PPP1R11: variants seen among roughly 807,000 people sequenced by gnomAD.
PPP1R11 encodes the protein E3 ubiquitin-protein ligase PPP1R11.
Under a neutral mutation model 11.3 loss-of-function variants are expected in PPP1R11, and 10 were observed. The ratio of observed to expected loss-of-function variants is 0.88; its 90% CI spans 0.55 to 1.50. The LOEUF is 1.50. Ranked by LOEUF, PPP1R11 falls within the 40% of genes most tolerant of loss-of-function variation. PPP1R11 has a pLI of 0.00. For missense variants in PPP1R11, 114 were observed against 179.1 expected (o/e 0.64, Z 2.07); for synonymous variants, 56 against 62.3 (o/e 0.90, Z 0.48).
chr6:30,061,366 C>T, the PPP1R11 span: 2 of 739,192 alleles, frequency 2.7e-6, no homozygotes, highest in South Asian at 2.1e-5. The surrounding 1 kb of genome is among the most constrained non-coding windows in gnomAD (Gnocchi z 5.0). Context: ...GAATTCCGGG[C>T]GTTTCGGCTC....
chr6:30,066,450 C>G (rs1239448534), upstream of PPP1R11, among the ~76,000 whole-genome samples: 2 of 152,224 alleles, frequency 1.3e-5, no homozygotes, highest in Non-Finnish European at 2.9e-5. Flanking sequence ...ACGACCATTT[C>G]TCTGCTTCAT....
Position 30,067,250 on chromosome 6 carries a change from G to T in PPP1R11, c.-161G>T, listed in dbSNP as rs1765606880. ...GTGGGGTTAGCCAGGTTATCCCCAG[G>T]GGTGGAGAAGCGGAGGCCCAGGAGG... On this transcript the variant is annotated 5_prime_UTR_variant, in exon 1 of 3. Coordinates refer to ENST00000376772, the MANE Select transcript of PPP1R11 (RefSeq NM_021959.3). The T allele has an allele frequency of 1.4e-6, 1 of 705,330 alleles. No individual in the cohort carries two copies. Among genetic ancestry groups the T allele is most frequent in the African/African-American group, 1.8e-5 (1 of 55,864 alleles). 43.7% of individuals were successfully genotyped at this position (705,330 alleles called of 1,614,324 possible). A position where few individuals can be genotyped will look rare whatever the true frequency, so the allele number is the denominator to read the frequency against.
rs554847473 is a variant in PPP1R11 at position 30,069,942 on chromosome 6, C to T, written c.*636C>T. 3.0e-4 allele frequency: 45 copies of T among 152,350 alleles called. No individual in the cohort carries two copies. Among genetic ancestry groups the T allele is most frequent in the African/African-American group, 9.1e-4 (38 of 41,564 alleles). The allele number at this position is 152,350 out of a possible 1,614,324, so 9.4% of individuals were successfully genotyped here. ...AATCATATCCTTTCTTCCCACCCTT[C>T]TCCTGTTATTTAGGATTTCTGACAA... On this transcript the variant is annotated 3_prime_UTR_variant, in exon 3 of 3. Transcript: ENST00000376772. This position sits in a 1 kb window ranked among gnomAD's most constrained non-coding sequence, Gnocchi z 6.6.
chr6:30,064,681 AGAAG>A, upstream of PPP1R11: 1 of 1,609,030 alleles, frequency 6.2e-7, no homozygotes, highest in Non-Finnish European at 8.5e-7. Context: ...AGGTTCCAGG[AGAAG>A]GAAGACTCTT....
At chr6:30,063,838 T>TA (rs1209570985), upstream of PPP1R11, among the ~76,000 whole-genome samples, 6 of 152,228 alleles carry the variant, frequency 3.9e-5, no homozygotes, top group Non-Finnish European at 7.3e-5. The surrounding 1 kb of genome is among the most constrained non-coding windows in gnomAD (Gnocchi z 4.1). Flanking sequence ...AGACAGATAG[T>TA]ATGAATTTGA....
rs371256850 is a variant in PPP1R11, at chr6:30,067,946, G to A, written c.69+467G>A. Among the ~76,000 whole-genome samples, 38 of 152,264 alleles carry A rather than the reference G, an allele frequency of 2.5e-4. 1 individual carries two copies. The East Asian group carries it at 3.5e-3, about 14-fold the overall frequency. On this transcript the variant is annotated intron_variant, in intron 1 of 2. Coordinates refer to ENST00000376772, the MANE Select transcript of PPP1R11 (RefSeq NM_021959.3). ...AAGGAGATGAAAAGAGGTATTTTGA[G>A]AAATCAGAGAGCAAAGATGTAAATG...
chr6:30,062,227 G>C, upstream of PPP1R11: 1 of 1,612,758 alleles, frequency 6.2e-7, no homozygotes, highest in East Asian at 2.2e-5. Flanking sequence ...TTCCCAGGTT[G>C]ACAGGCGCTG....
upstream of PPP1R11, among the ~76,000 whole-genome samples, chr6:30,063,243 G>A (rs768996268): frequency 2.0e-5 from 3 of 151,776 alleles, no homozygotes; most frequent in Non-Finnish European, 4.4e-5. The surrounding 1 kb of genome is among the most constrained non-coding windows in gnomAD (Gnocchi z 4.1). Context: ...TCTGGACCTC[G>A]AATTAGTTAC....
chr6:30,063,946 A>G (rs1353145801), upstream of PPP1R11, among the ~76,000 whole-genome samples: 1 of 152,178 alleles, frequency 6.6e-6, no homozygotes, highest in African/African-American at 2.4e-5. The surrounding 1 kb of genome is among the most constrained non-coding windows in gnomAD (Gnocchi z 4.1). Context: ...CCCCTTCTAT[A>G]GAGTTGAATT....
upstream of PPP1R11, among the ~76,000 whole-genome samples, chr6:30,063,513 T>G (rs1765279219): frequency 6.6e-6 from 1 of 151,210 alleles, no homozygotes; most frequent in South Asian, 2.1e-4. This position sits in a 1 kb window ranked among gnomAD's most constrained non-coding sequence, Gnocchi z 4.1. Flanking sequence ...GTTCCTTTTA[T>G]TATTCTTTAA....
chr6:30,069,466 A>T lies in PPP1R11; in HGVS notation c.*160A>T. On this transcript the variant is annotated 3_prime_UTR_variant, in exon 3 of 3. Transcript: ENST00000376772. The surrounding 1 kb of genome is among the most constrained non-coding windows in gnomAD (Gnocchi z 6.6). Reference sequence around the variant, plus strand: ...AATTCTGACTTGCTGCTATTCCAGAACCCAGCCTCCTGGGTTTCCCCAGTC... The same window carrying T: ...AATTCTGACTTGCTGCTATTCCAGATCCCAGCCTCCTGGGTTTCCCCAGTC... The T allele has an allele frequency of 1.7e-6, 1 of 604,030 alleles. No individual in the cohort carries two copies. The highest frequency in any genetic ancestry group is 2.7e-6 in the Non-Finnish European group (1 of 373,462). 37.4% of individuals were successfully genotyped at this position (604,030 alleles called of 1,614,324 possible).
chr6:30,062,119 GAA>G, upstream of PPP1R11: 1 of 1,450,036 alleles, frequency 6.9e-7, no homozygotes, highest in Non-Finnish European at 9.7e-7. Flanking sequence ...TTCCAAGAGG[GAA>G]AAGAGATGTA....
chr6:30,067,766 T>A (rs1410739524), intron 1 of PPP1R11: 4 of 402,432 alleles, frequency 9.9e-6, no homozygotes, highest in African/African-American at 8.2e-5. Context: ...AAATTGAGGA[T>A]TAAGGAGCCA....
Position 30,069,700 on chromosome 6 carries a change from T to G in PPP1R11, c.*394T>G, listed in dbSNP as rs907324509. 3 of 220,146 alleles carry G rather than the reference T, an allele frequency of 1.4e-5. No individual in the cohort carries two copies. The highest frequency in any genetic ancestry group is 6.8e-5 in the African/African-American group (3 of 43,976). 13.6% of individuals were successfully genotyped at this position (220,146 alleles called of 1,614,324 possible). Reference sequence around the variant, plus strand: ...CAGGGTCCCAGTCAGATTCCAGGAATTTGCGCCCTAACTTTGCTTGCTAAT... The same window carrying G: ...CAGGGTCCCAGTCAGATTCCAGGAAGTTGCGCCCTAACTTTGCTTGCTAAT... On this transcript the variant is annotated 3_prime_UTR_variant, in exon 3 of 3. Coordinates refer to ENST00000376772, the MANE Select transcript of PPP1R11 (RefSeq NM_021959.3). The surrounding 1 kb of genome is among the most constrained non-coding windows in gnomAD (Gnocchi z 6.6).
Position 30,067,381 on chromosome 6 carries a change from C to G in PPP1R11, c.-30C>G, listed in dbSNP as rs770752829. The stretch of plus-strand genomic sequence containing the variant: ...AGGGAAGGGTGTCTCATCCCCCTTC[C>G]TCCTCTCCTCCCTGTCCTGAGCCTT... On this transcript the variant is annotated 5_prime_UTR_variant, in exon 1 of 3. Transcript: ENST00000376772. 3 of 1,605,544 alleles carry G rather than the reference C, an allele frequency of 1.9e-6. No individual in the cohort carries two copies. Among genetic ancestry groups the G allele is most frequent in the Non-Finnish European group, 2.6e-6 (3 of 1,172,568 alleles).
Position 30,067,282 on chromosome 6 carries a change from A to G in PPP1R11, c.-129A>G. 1 of 933,968 alleles carries G rather than the reference A, an allele frequency of 1.1e-6. No individual in the cohort carries two copies. Among genetic ancestry groups the G allele is most frequent in the Non-Finnish European group, 1.6e-6 (1 of 613,186 alleles). 57.9% of individuals were successfully genotyped at this position (933,968 alleles called of 1,614,324 possible). A position where few individuals can be genotyped will look rare whatever the true frequency, so the allele number is the denominator to read the frequency against. On this transcript the variant is annotated 5_prime_UTR_variant, in exon 1 of 3. Transcript: ENST00000376772. The stretch of plus-strand genomic sequence containing the variant: ...GAAGCGGAGGCCCAGGAGGAGGGGG[A>G]ATAAAGAAGGTGGAGGATCCTGGCT...
intron 2 of PPP1R11, 62 bp downstream of exon 2, chr6:30,068,760 C>A: frequency 1.4e-6 from 2 of 1,410,698 alleles, no homozygotes; most frequent in Non-Finnish European, 2.0e-6. Context: ...TATCTTGTAT[C>A]TACTCATATC....
At position 30,069,373 on chromosome 6, in the gene PPP1R11, A is replaced by G; in HGVS notation, c.*67A>G. 2 of 1,226,100 alleles carry G rather than the reference A, an allele frequency of 1.6e-6. No individual in the cohort carries two copies. Among genetic ancestry groups the G allele is most frequent in the Non-Finnish European group, 2.3e-6 (2 of 880,590 alleles). The allele number at this position is 1,226,100 out of a possible 1,614,324, so 76.0% of individuals were successfully genotyped here. A position where few individuals can be genotyped will look rare whatever the true frequency, so the allele number is the denominator to read the frequency against. The stretch of plus-strand genomic sequence containing the variant: ...AATGTATCCATGTGGCTACTTCTCC[A>G]GCCCCCTCCTTCCCTCTCTTCTGCC... On this transcript the variant is annotated 3_prime_UTR_variant, in exon 3 of 3. Coordinates refer to ENST00000376772, the MANE Select transcript of PPP1R11 (RefSeq NM_021959.3). The surrounding 1 kb of genome is among the most constrained non-coding windows in gnomAD (Gnocchi z 6.6).
chr6:30,061,502 A>G, the PPP1R11 span: 1 of 1,610,636 alleles, frequency 6.2e-7, no homozygotes, highest in Admixed American at 1.7e-5. The surrounding 1 kb of genome is among the most constrained non-coding windows in gnomAD (Gnocchi z 5.0). Context: ...TAAACTTCCA[A>G]CTCCCTCCTC....
Sources: allele counts gnomAD v4.1 joint callset (sites outside exome capture counted in the v4.1 genomes callset), GRCh38; gene constraint gnomAD v4.1.1; non-coding constraint Gnocchi (gnomAD v3.1); transcripts MANE v1.5; gene names NCBI Gene and HGNC (gene_info 2026-07-23, HGNC 2026-07-21).